The following ALKBH5 variants were observed in gnomAD, a reference collection of about 807,000 sequenced individuals.
ALKBH5 encodes alkB homolog 5, RNA demethylase.
Under a neutral mutation model 32.1 loss-of-function variants are expected in ALKBH5, and 2 were observed. The ratio of observed to expected loss-of-function variants is 0.06; its 90% CI spans 0.03 to 0.20. The LOEUF is 0.20. Ranked by LOEUF, ALKBH5 falls within the 10% of genes least tolerant of loss-of-function variation. The pLI, the probability that ALKBH5 is intolerant of heterozygous loss-of-function variation, is 1.00. For synonymous variants in ALKBH5, 300 were observed against 231.7 expected, an observed-to-expected ratio of 1.29 and a Z score of -2.68; for missense variants, 352 against 559.5, an observed-to-expected ratio of 0.63 and a Z score of 3.74.
At chr17:18,190,293 T>C (rs1488564610) in intron 1 of ALKBH5, among the ~76,000 whole-genome samples, 2 of 152,178 alleles carry the variant, frequency 1.3e-5, no homozygotes, top group African/African-American at 4.8e-5. Context: ...CTCATGCCTG[T>C]AATCCCAGCA....
intron 2 of ALKBH5, among the ~76,000 whole-genome samples, 155 bp downstream of exon 2, chr17:18,195,190 A>T (rs1371869930): frequency 2.0e-5 from 3 of 152,210 alleles, no homozygotes; most frequent in East Asian, 1.9e-4. Flanking sequence ...TCCTGTGAGG[A>T]TAAAGTTGTT....
At chr17:18,197,419 A>G (rs924533974) in intron 2 of ALKBH5, among the ~76,000 whole-genome samples, 10 of 152,186 alleles carry the variant, frequency 6.6e-5, no homozygotes, top group Admixed American at 4.6e-4. Flanking sequence ...GGTACCTCCA[A>G]CTGCAGCCAG....
chr17:18,201,413 A>G (rs1308472517), intron 2 of ALKBH5, among the ~76,000 whole-genome samples: 1 of 152,186 alleles, frequency 6.6e-6, no homozygotes, highest in Non-Finnish European at 1.5e-5. Flanking sequence ...TCTTATCTGC[A>G]CCTGTAAATT....
chr17:18,191,949 T>TAAAAAAAA (rs553466001), intron 1 of ALKBH5, among the ~76,000 whole-genome samples: 9,629 of 140,264 alleles, frequency 0.069, 930 homozygotes, highest in African/African-American at 0.22. Flanking sequence ...ACTCTGTCTT[T>TAAAAAAAA]AAAAAAAAAA....
Position 18,184,641 on chromosome 17 carries a change from ACTT to A in ALKBH5, c.403_405del (p.Phe135del). ...GACCGGGCCCCACTGCGCAACAAGT[ACTT>A]CTTCGGCGAAGGCTACACTTACGGC... On this transcript the variant is annotated inframe_deletion, in exon 1 of 4. Coordinates refer to ENST00000399138, the MANE Select transcript of ALKBH5 (RefSeq NM_017758.4). 1 of 1,613,058 alleles carries A rather than the reference ACTT, an allele frequency of 6.2e-7. No individual in the cohort carries two copies. Among genetic ancestry groups the A allele is most frequent in the South Asian group, 1.1e-5 (1 of 91,086 alleles).
chr17:18,187,493 GCTT>G (rs548811943), intron 1 of ALKBH5, among the ~76,000 whole-genome samples: 79 of 152,302 alleles, frequency 5.2e-4, no homozygotes, highest in African/African-American at 1.8e-3. Flanking sequence ...AGCATTCCTG[GCTT>G]CTATCTGCTA....
intron 1 of ALKBH5, among the ~76,000 whole-genome samples, chr17:18,190,474 A>G (rs2047166976): frequency 6.6e-6 from 1 of 150,878 alleles, no homozygotes; most frequent in East Asian, 2.0e-4. Flanking sequence ...GCTTGAACCC[A>G]GGAGCTAGAG....
At chr17:18,195,954 C>CT (rs2047201851) in intron 2 of ALKBH5, among the ~76,000 whole-genome samples, 1 of 152,136 alleles carries the variant, frequency 6.6e-6, no homozygotes, top group Non-Finnish European at 1.5e-5. Flanking sequence ...TTTTATTAAA[C>CT]TTTATTTTTT....
At chr17:18,197,052 TGTA>T (rs1353324535) in intron 2 of ALKBH5, among the ~76,000 whole-genome samples, 1 of 152,184 alleles carries the variant, frequency 6.6e-6, no homozygotes, top group East Asian at 1.9e-4. Context: ...TCCAGAATAT[TGTA>T]GTGGTGAAGT....
rs1334596165 is a variant in ALKBH5, at chr17:18,208,511, TTTTTTG to T, written c.*116_*121del. On this transcript the variant is annotated 3_prime_UTR_variant, in exon 4 of 4. Coordinates refer to ENST00000399138, the MANE Select transcript of ALKBH5 (RefSeq NM_017758.4). ...GGGTTTTTGTTTTTTGTTTTTTGTT[TTTTTTG>T]ATTCTATATATTTTTCCTTGGTTTT... The T allele has an allele frequency of 3.3e-6, 4 of 1,210,268 alleles. No homozygotes were observed. Among genetic ancestry groups the T allele is most frequent in the Non-Finnish European group, 3.5e-6 (3 of 852,912 alleles). The allele number at this position is 1,210,268 out of a possible 1,614,324, so 75.0% of individuals were successfully genotyped here.
rs201208344 is a variant in ALKBH5, at chr17:18,199,647, A to G, written c.851+4612A>G. Among the ~76,000 whole-genome samples the G allele has an allele frequency of 2.0e-4, 31 of 152,354 alleles. No individual in the cohort carries two copies. In the East Asian group the frequency reaches 5.6e-3, roughly 27 times the overall value. On this transcript the variant is annotated intron_variant, in intron 2 of 3. Transcript: ENST00000399138. ...TTCTGACTTGAGGGAAACATCAAGTATCTACTATGTACAAGGCACTTGAGG... is the reference window on the plus strand; with the variant it reads ...TTCTGACTTGAGGGAAACATCAAGTGTCTACTATGTACAAGGCACTTGAGG...
At chr17:18,201,254 T>A (rs16960983) in intron 2 of ALKBH5, among the ~76,000 whole-genome samples, 32,142 of 152,194 alleles carry the variant, frequency 0.21, 3,715 homozygotes, top group Middle Eastern at 0.31. Flanking sequence ...AGTAAGTCTG[T>A]GTCCACGTGC....
chr17:18,195,448 G>A (rs2047199083), intron 2 of ALKBH5, among the ~76,000 whole-genome samples: 1 of 152,186 alleles, frequency 6.6e-6, no homozygotes, highest in Non-Finnish European at 1.5e-5. Context: ...TTTCACTGCT[G>A]GAAGGAACAG....
rs1415864502 is a variant in ALKBH5, at chr17:18,209,084, G to A, written c.*688G>A. On this transcript the variant is annotated 3_prime_UTR_variant, in exon 4 of 4. Coordinates refer to ENST00000399138, the MANE Select transcript of ALKBH5 (RefSeq NM_017758.4). Reference sequence around the variant, plus strand: ...TGTCCACAGTTCCTTGGGCTGCTGAGGGGCTAGTGCAGTGGTCCTGACCTC... The same window carrying A: ...TGTCCACAGTTCCTTGGGCTGCTGAAGGGCTAGTGCAGTGGTCCTGACCTC... 1 of 158,842 alleles carries A rather than the reference G, an allele frequency of 6.3e-6. No individual in the cohort carries two copies. The highest frequency in any genetic ancestry group is 2.4e-5 in the African/African-American group (1 of 41,460). The allele number at this position is 158,842 out of a possible 1,614,324, so 9.8% of individuals were successfully genotyped here. A position where few individuals can be genotyped will look rare whatever the true frequency, so the allele number is the denominator to read the frequency against.
chr17:18,191,465 T>C (rs1240414591), intron 1 of ALKBH5, among the ~76,000 whole-genome samples: 5 of 152,052 alleles, frequency 3.3e-5, no homozygotes, highest in Non-Finnish European at 7.4e-5. Flanking sequence ...CTAGAGCCCT[T>C]TGGGGGATGG....
Position 18,205,971 on chromosome 17 carries a change from C to T in ALKBH5, c.852-844C>T, listed in dbSNP as rs1395737013. 4.6e-5 allele frequency among the ~76,000 whole-genome samples: 7 copies of T among 152,262 alleles called. No individual in the cohort carries two copies. The East Asian group carries it at 1.4e-3, about 29-fold the overall frequency. On this transcript the variant is annotated intron_variant, in intron 2 of 3. Coordinates refer to ENST00000399138, the MANE Select transcript of ALKBH5 (RefSeq NM_017758.4). ...ACATGGGTCCTTCTGCCCTTTGCTCCCACCTGCCTGACTTGCCAGCCTTCT... is the reference window on the plus strand; with the variant it reads ...ACATGGGTCCTTCTGCCCTTTGCTCTCACCTGCCTGACTTGCCAGCCTTCT...
chr17:18,194,939 C>T lies in ALKBH5; in HGVS notation c.771-16C>T, dbSNP rs28694704. 5.5e-3 allele frequency: 8,803 copies of T among 1,613,118 alleles called. 153 individuals are homozygous for T. The African/African-American group carries it at 0.06, about 11-fold the overall frequency. Reference sequence around the variant, plus strand: ...TGTCTACTCTTCATGGTCACATGTTCTGTGTTTCTTTTCAGTGGATATGCT... The same window carrying T: ...TGTCTACTCTTCATGGTCACATGTTTTGTGTTTCTTTTCAGTGGATATGCT... On this transcript the variant is annotated splice_polypyrimidine_tract_variant and intron_variant, in intron 1 of 3. Transcript: ENST00000399138.
chr17:18,187,077 T>G (rs1362792072), intron 1 of ALKBH5, among the ~76,000 whole-genome samples: 1 of 152,020 alleles, frequency 6.6e-6, no homozygotes, highest in Non-Finnish European at 1.5e-5. Flanking sequence ...ACATGACAGT[T>G]TCCCTTCGTG....
chr17:18,191,949 T>TAAAAAAAAAAAA (rs553466001), intron 1 of ALKBH5, among the ~76,000 whole-genome samples: 2 of 140,748 alleles, frequency 1.4e-5, no homozygotes, highest in Admixed American at 7.0e-5. Context: ...ACTCTGTCTT[T>TAAAAAAAAAAAA]AAAAAAAAAA....
Sources: gnomAD v4.1 joint callset for allele counts (sites outside exome capture counted in the v4.1 genomes callset) on GRCh38, gnomAD v4.1.1 for gene constraint, MANE v1.5 for transcripts, NCBI Gene and HGNC (gene_info 2026-07-23, HGNC 2026-07-21) for gene names.